The following KCNAB2 variants were observed in gnomAD, a reference collection of about 807,000 sequenced individuals.
KCNAB2 encodes voltage-gated potassium channel subunit beta-2.
In KCNAB2, 29 loss-of-function variants were observed where a neutral mutation model predicts 63.6. The observed-to-expected ratio is 0.46, with a 90% CI of 0.34 to 0.62. The LOEUF (loss-of-function observed/expected upper bound fraction) is 0.62, where lower values mean the gene tolerates loss of function less well. Ranked by LOEUF, KCNAB2 falls within the 20% of genes least tolerant of loss-of-function variation. The probability of loss-of-function intolerance (pLI) is 0.01; values close to 1 mark genes in which losing one functional copy is unlikely to be tolerated. For synonymous variants in KCNAB2, 222 were observed against 224.2 expected, an observed-to-expected ratio of 0.99 and a Z score of 0.09; for missense variants, 359 against 563.9, an observed-to-expected ratio of 0.64 and a Z score of 3.68.
At chr1:6,088,381 G>A (rs1664886162) in intron 7 of KCNAB2, among the ~76,000 whole-genome samples, 1 of 151,848 alleles carries the variant, frequency 6.6e-6, no homozygotes, top group African/African-American at 2.4e-5. Flanking sequence ...ATGCCACCAT[G>A]CCCAGCTAAT....
At chr1:6,077,140 C>T (rs1318343119) in intron 4 of KCNAB2, among the ~76,000 whole-genome samples, 1 of 151,748 alleles carries the variant, frequency 6.6e-6, no homozygotes, top group African/African-American at 2.4e-5. Context: ...GAGCCATGAT[C>T]GCACCACTGC....
At chr1:6,084,575 G>C (rs1276009470) in intron 5 of KCNAB2, among the ~76,000 whole-genome samples, 1 of 152,186 alleles carries the variant, frequency 6.6e-6, no homozygotes, top group African/African-American at 2.4e-5. Context: ...CAGCACTTTG[G>C]GAGGCCACAG....
At position 6,035,706 on chromosome 1, in the gene KCNAB2, A is replaced by G. The variant is rs886807296; in HGVS notation, c.-53+912A>G. ...TCCGAGGCACACGTTCCCCACCCTCATAGCTGAGCCACACAGGCAGGAAAT... is the reference window on the plus strand; with the variant it reads ...TCCGAGGCACACGTTCCCCACCCTCGTAGCTGAGCCACACAGGCAGGAAAT... On this transcript the variant is annotated intron_variant, in intron 1 of 15. Transcript: ENST00000164247. The surrounding 1 kb of genome is among the most constrained non-coding windows in gnomAD (Gnocchi z 5.0). Among the ~76,000 whole-genome samples the G allele has an allele frequency of 2.6e-5, 4 of 151,874 alleles. No individual in the cohort carries two copies. Among genetic ancestry groups the G allele is most frequent in the African/African-American group, 4.8e-5 (2 of 41,332 alleles).
At chr1:6,030,527 A>G (rs61509089), upstream of KCNAB2, among the ~76,000 whole-genome samples, 116 of 147,872 alleles carry the variant, frequency 7.8e-4, no homozygotes, top group South Asian at 1.7e-3. Context: ...GTATGTGTGT[A>G]TGTGTGTGTA....
chr1:6,009,134 C>T (rs543013281), intron 1 of KCNAB2, among the ~76,000 whole-genome samples: 1 of 152,354 alleles, frequency 6.6e-6, no homozygotes, highest in South Asian at 2.1e-4. Flanking sequence ...GGGACATGAG[C>T]TAGGGTCACC....
At chr1:6,029,222 G>A (rs1659414905) in intron 1 of KCNAB2, among the ~76,000 whole-genome samples, 1 of 150,656 alleles carries the variant, frequency 6.6e-6, no homozygotes, top group Non-Finnish European at 1.5e-5. Flanking sequence ...GGCAGAGGCT[G>A]CAGTGAGCCG....
chr1:6,098,565 CAG>C lies in KCNAB2; in HGVS notation c.1241_1242del (p.Arg414IlefsTer17). 1 of 1,613,934 alleles carries C rather than the reference CAG, an allele frequency of 6.2e-7. No homozygotes were observed. Among genetic ancestry groups the C allele is most frequent in the Non-Finnish European group, 8.5e-7 (1 of 1,179,974 alleles). On this transcript the variant is annotated frameshift_variant, in exon 16 of 16. Coordinates refer to ENST00000378083, the MANE Select transcript of KCNAB2 (RefSeq NM_001199862.2). LOFTEE classifies it high-confidence loss of function. ...ATAAACCCTACAGCAAAAAGGACTA[CAG>C]ATCCTAAGCCGCCCCCGCCCGCCTG... is the stretch of plus-strand genomic sequence containing the variant. ...GNKPYSKKDY[R>X]S is the part of the protein sequence containing the mutation.
At position 5,994,918 on chromosome 1, in the gene KCNAB2, C is replaced by T. The variant is rs565110216; in HGVS notation, c.-53+2130C>T. On this transcript the variant is annotated intron_variant, in intron 1 of 16. Transcript: ENST00000341524. The surrounding 1 kb of genome is among the most constrained non-coding windows in gnomAD (Gnocchi z 5.4). ...CTGGGCTTGGAGGGAGGGGCCTCCC[C>T]TAGACCTTCCTGTGTGTTGGTGCTC... is the stretch of plus-strand genomic sequence containing the variant. Among the ~76,000 whole-genome samples, 30 of 152,330 alleles carry T rather than the reference C, an allele frequency of 2.0e-4. No individual in the cohort carries two copies. Among genetic ancestry groups the T allele is most frequent in the African/African-American group, 7.0e-4 (29 of 41,580 alleles).
intron 4 of KCNAB2, among the ~76,000 whole-genome samples, chr1:6,080,413 C>T (rs962263034): frequency 6.6e-6 from 1 of 152,116 alleles, no homozygotes; most frequent in Non-Finnish European, 1.5e-5. Flanking sequence ...GTCCCTCGGG[C>T]GGCGGATGCA....
chr1:6,059,680 C>T (rs1187195809), intron 2 of KCNAB2, among the ~76,000 whole-genome samples: 1 of 152,162 alleles, frequency 6.6e-6, no homozygotes, highest in Non-Finnish European at 1.5e-5. Context: ...GAGGTGCTCG[C>T]TTGGGGCTGG....
chr1:6,064,002 A>G (rs1662538656), intron 2 of KCNAB2, among the ~76,000 whole-genome samples: 1 of 152,230 alleles, frequency 6.6e-6, no homozygotes, highest in Admixed American at 6.5e-5. Flanking sequence ...AACGTGCACC[A>G]CTGGGGTAAG....
chr1:6,019,048 A>G (rs765832519), intron 1 of KCNAB2, among the ~76,000 whole-genome samples: 2 of 152,182 alleles, frequency 1.3e-5, no homozygotes, highest in South Asian at 2.1e-4. Flanking sequence ...GCCCAGCACT[A>G]TGGGAGGCTG....
intron 15 of KCNAB2, chr1:6,098,140 T>G (rs1665805685): frequency 1.9e-6 from 2 of 1,064,546 alleles, no homozygotes; most frequent in East Asian, 8.1e-5. Flanking sequence ...CGGTGCTGTA[T>G]GCTGAGGCAG....
At chr1:6,079,254 C>T (rs770405278) in intron 4 of KCNAB2, among the ~76,000 whole-genome samples, 5 of 150,946 alleles carry the variant, frequency 3.3e-5, no homozygotes, top group African/African-American at 4.9e-5. Flanking sequence ...CCCTTCAAAA[C>T]CCAGTCTTTG....
chr1:6,021,717 G>A (rs1356305728), intron 1 of KCNAB2, among the ~76,000 whole-genome samples: 9 of 149,946 alleles, frequency 6.0e-5, no homozygotes, highest in Admixed American at 3.3e-4. Flanking sequence ...TGAGTGTGTA[G>A]TTCAGTGGTA....
intron 1 of KCNAB2, among the ~76,000 whole-genome samples, chr1:6,036,487 A>G (rs1557433888): frequency 6.6e-6 from 1 of 152,190 alleles, no homozygotes; most frequent in Non-Finnish European, 1.5e-5. Flanking sequence ...TGGGTGACAG[A>G]GTGAGACTCT....
upstream of KCNAB2, among the ~76,000 whole-genome samples, chr1:6,033,115 T>C (rs1659750384): frequency 6.6e-6 from 1 of 152,200 alleles, no homozygotes; most frequent in Non-Finnish European, 1.5e-5. Flanking sequence ...AATTCTCAGA[T>C]GAGTGCTGAG....
chr1:6,060,619 A>G (rs1323967352), intron 2 of KCNAB2, among the ~76,000 whole-genome samples: 1 of 152,114 alleles, frequency 6.6e-6, no homozygotes, highest in African/African-American at 2.4e-5. Context: ...AAGCCATGTC[A>G]GGCCAAGCGT....
At chr1:6,036,385 C>T (rs1342388808) in intron 1 of KCNAB2, among the ~76,000 whole-genome samples, 3 of 152,104 alleles carry the variant, frequency 2.0e-5, no homozygotes, top group Non-Finnish European at 4.4e-5. Context: ...CGTCTGTAAT[C>T]CCAGCTATTT....
Sources: gnomAD v4.1 joint callset for allele counts (sites outside exome capture counted in the v4.1 genomes callset) on GRCh38, gnomAD v4.1.1 for gene constraint, Gnocchi (gnomAD v3.1) non-coding constraint, MANE v1.5 for transcripts, NCBI Gene and HGNC (gene_info 2026-07-23, HGNC 2026-07-21) for gene names.